Variants in CLEC16A observed in about 807,000 individuals in gnomAD.
CLEC16A encodes the protein protein CLEC16A.
In CLEC16A, 51 loss-of-function variants were observed where a neutral mutation model predicts 109.5. That is an observed-to-expected ratio of 0.47 (90% confidence interval 0.37 to 0.59). The LOEUF (loss-of-function observed/expected upper bound fraction) is 0.59. Among genes scored for constraint, CLEC16A ranks in the 20% least tolerant of loss-of-function variants. CLEC16A has a pLI of 0.00. For synonymous variants in CLEC16A, 673 were observed against 564.2 expected, an observed-to-expected ratio of 1.19 and a Z score of -2.73; for missense variants, 1,339 against 1,394.0, an observed-to-expected ratio of 0.96 and a Z score of 0.63.
intron 2 of CLEC16A, 57 bp downstream of exon 2, chr16:10,957,967 A>G: frequency 6.5e-7 from 1 of 1,548,202 alleles, no homozygotes; most frequent in Non-Finnish European, 8.9e-7. Context: ...TGTTTTTCTA[A>G]ATGTATACTA....
At chr16:11,162,003 A>C (rs2054740134) in intron 22 of CLEC16A, among the ~76,000 whole-genome samples, 1 of 152,236 alleles carries the variant, frequency 6.6e-6, no homozygotes. Flanking sequence ...AAGGTCTCGA[A>C]GTCAGTTTGG....
intron 21 of CLEC16A, among the ~76,000 whole-genome samples, chr16:11,124,245 T>A (rs184584354): frequency 6.6e-6 from 1 of 152,176 alleles, no homozygotes; most frequent in Admixed American, 6.5e-5. Context: ...CTCAAGCATA[T>A]GTTAACAAAG....
intron 19 of CLEC16A, among the ~76,000 whole-genome samples, chr16:11,082,186 C>T (rs1038035345): frequency 7.9e-5 from 12 of 152,194 alleles, no homozygotes; most frequent in African/African-American, 2.2e-4. Flanking sequence ...ACCTTAGAAA[C>T]TGTGTGCACA....
intron 10 of CLEC16A, among the ~76,000 whole-genome samples, chr16:10,988,737 C>G (rs911132736): frequency 5.9e-5 from 9 of 151,998 alleles, no homozygotes; most frequent in Non-Finnish European, 1.3e-4. Context: ...AATCGTGGTC[C>G]CTGATTTTAC....
chr16:10,966,609 C>T (rs2146232318), intron 3 of CLEC16A, among the ~76,000 whole-genome samples: 1 of 152,266 alleles, frequency 6.6e-6, no homozygotes. Context: ...ACTTACAGCT[C>T]AGCACTGCTG....
intron 19 of CLEC16A, among the ~76,000 whole-genome samples, chr16:11,095,817 GAAAAAAAA>G (rs34366897): frequency 9.4e-6 from 1 of 105,898 alleles, no homozygotes; most frequent in South Asian, 3.2e-4. Flanking sequence ...GTCTCAAAAA[GAAAAAAAA>G]AAAAAAAAAA....
At position 11,020,310 on chromosome 16, in the gene CLEC16A, G is replaced by A; in HGVS notation, c.1421G>A (p.Ser474Asn). 6.2e-7 allele frequency: 1 copy of A among 1,611,350 alleles called. No individual in the cohort carries two copies. Among genetic ancestry groups the A allele is most frequent in the Non-Finnish European group, 8.5e-7 (1 of 1,178,716 alleles). ...EKSAAATCSE[S>N]TQWSRPFLDM... ...AGCGCCGCCGCCACCTGCTCTGAGAGCACGCAATGGAGCAGGTAGCTGCCC... is the reference window on the plus strand; with the variant it reads ...AGCGCCGCCGCCACCTGCTCTGAGAACACGCAATGGAGCAGGTAGCTGCCC... Residue 474 changes from serine (S) to asparagine (N), a missense_variant, in exon 12 of 24, where the codon AGC (serine) becomes AAC (asparagine). Ser to Asn is a conservative substitution (Grantham distance 46). Around this residue, in one of 3 missense-constraint regions of CLEC16A, gnomAD observed 1,061 missense variants for 1,006.8 expected, o/e 1.05. Transcript: ENST00000409790.
At position 10,984,831 on chromosome 16, in the gene CLEC16A, G is replaced by T. The variant is rs971473226; in HGVS notation, c.1071+1840G>T. ...AGTGCCCTGCCAGCCACCTGGTCTC[G>T]GGCAGGTTGTTTCACTCCATTTAGA... On this transcript the variant is annotated intron_variant, in intron 10 of 23. Transcript: ENST00000409790. Among the ~76,000 whole-genome samples the T allele has an allele frequency of 2.6e-5, 4 of 152,184 alleles. No individual in the cohort carries two copies. In the East Asian group the frequency reaches 7.7e-4, roughly 29 times the overall value.
intron 11 of CLEC16A, among the ~76,000 whole-genome samples, chr16:11,012,205 A>G (rs1012558058): frequency 2.0e-5 from 3 of 152,230 alleles, no homozygotes; most frequent in Non-Finnish European, 4.4e-5. Flanking sequence ...CATGTGGCAT[A>G]CTTCTGGTCA....
At chr16:11,100,371 G>A (rs2050848734) in intron 19 of CLEC16A, among the ~76,000 whole-genome samples, 1 of 152,184 alleles carries the variant, frequency 6.6e-6, no homozygotes, top group South Asian at 2.1e-4. Flanking sequence ...GCTGAAGGCG[G>A]TGATGCACAC....
chr16:11,110,348 G>A (rs1463659424), intron 19 of CLEC16A, among the ~76,000 whole-genome samples: 1 of 152,204 alleles, frequency 6.6e-6, no homozygotes, highest in South Asian at 2.1e-4. Flanking sequence ...CAGGCACTGG[G>A]ATGGGGCTGG....
At chr16:10,966,600 C>G (rs943100143) in intron 3 of CLEC16A, among the ~76,000 whole-genome samples, 19 of 152,154 alleles carry the variant, frequency 1.2e-4, no homozygotes, top group Non-Finnish European at 2.6e-4. Context: ...GTTTCATTGA[C>G]TTACAGCTCA....
intron 19 of CLEC16A, among the ~76,000 whole-genome samples, chr16:11,098,289 A>G (rs2050720106): frequency 6.6e-6 from 1 of 152,256 alleles, no homozygotes; most frequent in Non-Finnish European, 1.5e-5. Flanking sequence ...TCTCCAAGGA[A>G]CGGCCATGTG....
chr16:11,104,787 T>G (rs146222747), intron 19 of CLEC16A, among the ~76,000 whole-genome samples: 1 of 152,340 alleles, frequency 6.6e-6, no homozygotes, highest in Non-Finnish European at 1.5e-5. Flanking sequence ...AGGATGCATC[T>G]GCCTTCTTCA....
intron 19 of CLEC16A, among the ~76,000 whole-genome samples, chr16:11,069,278 C>T (rs192237800): frequency 3.9e-5 from 6 of 152,180 alleles, no homozygotes; most frequent in Admixed American, 1.3e-4. Context: ...CAGGCATGCA[C>T]CACCACACCC....
At chr16:11,093,867 G>C (rs1301545636) in intron 19 of CLEC16A, among the ~76,000 whole-genome samples, 1 of 152,176 alleles carries the variant, frequency 6.6e-6, no homozygotes, top group Non-Finnish European at 1.5e-5. Context: ...GCGGCAGCTG[G>C]TGAAACATGC....
chr16:10,969,357 C>CT (rs759478746), intron 4 of CLEC16A, 48 bp downstream of exon 4: 38,050 of 996,504 alleles, frequency 0.038, 9 homozygotes, highest in Non-Finnish European at 0.041. Context: ...CCACACGTGG[C>CT]TTTTTTTTTT....
In CLEC16A at chr16:11,023,754, A is replaced by G. The variant is rs144809148; in HGVS notation, c.1437-1067A>G. Among the ~76,000 whole-genome samples the G allele has an allele frequency of 1.8e-3, 274 of 152,254 alleles. 2 individuals carry two copies. Among genetic ancestry groups the G allele is most frequent in the Non-Finnish European group, 4.1e-4 (28 of 68,012 alleles). On this transcript the variant is annotated intron_variant, in intron 12 of 23. Transcript: ENST00000409790. ...CCCTTTCACTCCCCGTAGGCATCCAATGTTCATTGGAGCTTGGGTGTCCTT... is the reference window on the plus strand; with the variant it reads ...CCCTTTCACTCCCCGTAGGCATCCAGTGTTCATTGGAGCTTGGGTGTCCTT...
At chr16:11,149,953 C>G (rs1239048007) in intron 22 of CLEC16A, 1 of 152,214 alleles carries the variant, frequency 6.6e-6, no homozygotes, top group Admixed American at 6.5e-5. Context: ...GCCACCACCC[C>G]TTCTCTGCAA....
Sources: allele counts gnomAD v4.1 joint callset (sites outside exome capture counted in the v4.1 genomes callset), GRCh38; gene constraint gnomAD v4.1.1; regional missense constraint gnomAD v4.1.1; transcripts MANE v1.5; gene names NCBI Gene and HGNC (gene_info 2026-07-23, HGNC 2026-07-21).